The following ATP8B4 variants were observed in gnomAD, a reference collection of about 807,000 sequenced individuals.
The protein encoded by ATP8B4 is probable phospholipid-transporting ATPase IM.
In ATP8B4, 133 loss-of-function variants were observed where a neutral mutation model predicts 145.6. That is an observed-to-expected ratio of 0.91 (90% CI 0.79 to 1.05). ATP8B4 has a LOEUF of 1.05. ATP8B4 is among the 50% of genes least tolerant of loss of function. The probability of loss-of-function intolerance (pLI) is 0.00; values close to 1 mark genes in which losing one functional copy is unlikely to be tolerated. For synonymous variants in ATP8B4, 507 were observed against 492.9 expected, an observed-to-expected ratio of 1.03 and a Z score of -0.38; for missense variants, 1,458 against 1,425.2, an observed-to-expected ratio of 1.02 and a Z score of -0.37.
Position 50,095,760 on chromosome 15 carries a change from A to G in ATP8B4, c.28+11179T>C, listed in dbSNP as rs2055938608. 2.0e-5 allele frequency among the ~76,000 whole-genome samples: 3 copies of G among 152,040 alleles called. No individual in the cohort carries two copies. The South Asian group carries it at 6.2e-4, about 32-fold the overall frequency. On this transcript the variant is annotated intron_variant, in intron 2 of 27. Transcript: ENST00000284509. ...ACAGTGAGACCCTGTTTCTAAAAAA[A>G]AAAAGAAAAGAAAGAGAATTAGACA...
chr15:50,023,191 C>G (rs779278271), intron 6 of ATP8B4, among the ~76,000 whole-genome samples: 33 of 152,268 alleles, frequency 2.2e-4, no homozygotes, highest in Non-Finnish European at 4.7e-4. Flanking sequence ...ACCTTATGGT[C>G]TTATTTATAG....
intron 23 of ATP8B4, among the ~76,000 whole-genome samples, chr15:49,893,566 A>G (rs534942661): frequency 8.5e-5 from 13 of 152,356 alleles, no homozygotes; most frequent in African/African-American, 2.4e-4. Flanking sequence ...GACAAACACT[A>G]TATGATTCCA....
chr15:50,047,033 A>G (rs1266605321), intron 4 of ATP8B4, among the ~76,000 whole-genome samples: 2 of 152,214 alleles, frequency 1.3e-5, no homozygotes, highest in African/African-American at 4.8e-5. Context: ...GGCAATCCCC[A>G]CACTGTAGAT....
intron 25 of ATP8B4, among the ~76,000 whole-genome samples, chr15:49,872,677 G>C (rs1011811921): frequency 3.9e-5 from 6 of 152,090 alleles, no homozygotes; most frequent in Non-Finnish European, 8.8e-5. Context: ...AAAATACCTG[G>C]TGACCAGTCT....
intron 20 of ATP8B4, among the ~76,000 whole-genome samples, chr15:49,908,698 G>A (rs115679018): frequency 0.011 from 1,655 of 152,196 alleles, 37 homozygotes; most frequent in African/African-American, 0.038. Context: ...CATCCTGCCT[G>A]AGGGCCCAAC....
chr15:49,904,965 C>G (rs566782943), intron 20 of ATP8B4, among the ~76,000 whole-genome samples: 1 of 152,096 alleles, frequency 6.6e-6, no homozygotes, highest in Admixed American at 6.5e-5. Context: ...GAGTTTTCCT[C>G]TCAGATCAAT....
chr15:50,026,193 T>C (rs888156298), intron 6 of ATP8B4, among the ~76,000 whole-genome samples: 3 of 152,226 alleles, frequency 2.0e-5, no homozygotes, highest in African/African-American at 4.8e-5. Context: ...TAAATCTTTT[T>C]ATCAGGTGGA....
At chr15:49,963,016 T>A (rs1395640862) in intron 13 of ATP8B4, among the ~76,000 whole-genome samples, 1 of 152,114 alleles carries the variant, frequency 6.6e-6, no homozygotes, top group African/African-American at 2.4e-5. Context: ...AATCTATCCA[T>A]CTGACAAAGG....
chr15:50,088,798 G>A (rs891103244), intron 2 of ATP8B4, among the ~76,000 whole-genome samples: 11 of 152,128 alleles, frequency 7.2e-5, no homozygotes, highest in African/African-American at 1.9e-4. Context: ...CATAATCAAC[G>A]TTCAGTATAT....
chr15:49,944,166 A>G (rs2042381808), intron 14 of ATP8B4, among the ~76,000 whole-genome samples: 1 of 152,176 alleles, frequency 6.6e-6, no homozygotes, highest in East Asian at 1.9e-4. Context: ...CAAAAGAACT[A>G]CTATATAACA....
intron 14 of ATP8B4, among the ~76,000 whole-genome samples, chr15:49,950,240 G>A (rs957413499): frequency 1.3e-5 from 2 of 152,130 alleles, no homozygotes; most frequent in African/African-American, 4.8e-5. Flanking sequence ...AATGGTACCA[G>A]CTCCTCCTTG....
At chr15:50,030,341 T>C (rs1196578039) in intron 6 of ATP8B4, among the ~76,000 whole-genome samples, 1 of 152,132 alleles carries the variant, frequency 6.6e-6, no homozygotes, top group African/African-American at 2.4e-5. Flanking sequence ...CTAAGATAAA[T>C]GCATCCTGGT....
At chr15:49,878,169 CTTTAT>C (rs1358379175) in intron 24 of ATP8B4, among the ~76,000 whole-genome samples, 1 of 152,110 alleles carries the variant, frequency 6.6e-6, no homozygotes, top group Non-Finnish European at 1.5e-5. Flanking sequence ...CCAGAAACTG[CTTTAT>C]TTTTATTATT....
rs890035077 is a variant in ATP8B4, at chr15:50,046,703, T to A, written c.201+648A>T. On this transcript the variant is annotated intron_variant, in intron 4 of 27. Transcript: ENST00000284509. ...AGGTAAATAACTGGCTAACATGAAC[T>A]ATTTATGTGTGTGTATAGTATGTAT... Among the ~76,000 whole-genome samples the A allele has an allele frequency of 2.6e-5, 4 of 152,240 alleles. No individual in the cohort carries two copies. In the South Asian group the frequency reaches 8.3e-4, roughly 31 times the overall value.
chr15:50,007,805 C>CA (rs199819729), intron 7 of ATP8B4, among the ~76,000 whole-genome samples: 35 of 147,514 alleles, frequency 2.4e-4, no homozygotes, highest in Non-Finnish European at 3.9e-4. Flanking sequence ...AATGGTTCAC[C>CA]AAAAAAAAAA....
At chr15:49,927,069 T>C (rs565455964) in intron 16 of ATP8B4, among the ~76,000 whole-genome samples, 9 of 152,298 alleles carry the variant, frequency 5.9e-5, no homozygotes, top group African/African-American at 2.2e-4. Flanking sequence ...CTGAATTTTA[T>C]CTCTGTATTT....
intron 25 of ATP8B4, among the ~76,000 whole-genome samples, chr15:49,874,648 C>T (rs1390383649): frequency 6.6e-6 from 1 of 152,142 alleles, no homozygotes; most frequent in Non-Finnish European, 1.5e-5. Context: ...ACATGGATAT[C>T]ATTCTATATC....
intron 2 of ATP8B4, among the ~76,000 whole-genome samples, chr15:50,099,976 G>A (rs187535076): frequency 9.5e-5 from 14 of 146,958 alleles, no homozygotes; most frequent in African/African-American, 3.3e-4. Flanking sequence ...CGGAGGTTGC[G>A]GTGAGCTGAG....
chr15:50,100,890 T>G (rs142311882), intron 2 of ATP8B4, among the ~76,000 whole-genome samples: 207 of 152,268 alleles, frequency 1.4e-3, no homozygotes, highest in Admixed American at 0.012. Context: ...CAAAAAACTG[T>G]CAATTAACTA....
Sources: allele counts gnomAD v4.1 joint callset (sites outside exome capture counted in the v4.1 genomes callset), GRCh38; gene constraint gnomAD v4.1.1; transcripts MANE v1.5; gene names NCBI Gene and HGNC (gene_info 2026-07-23, HGNC 2026-07-21).